DACH2: variants seen among roughly 807,000 people sequenced by gnomAD.
DACH2 encodes the protein dachshund homolog 2.
A neutral mutation model predicts 35.8 loss-of-function variants in DACH2; 17 were observed. The observed-to-expected ratio is 0.48, with a 90% CI of 0.33 to 0.71. The LOEUF (loss-of-function observed/expected upper bound fraction) is 0.71, where lower values mean the gene tolerates loss of function less well. Ranked by LOEUF, DACH2 falls within the 30% of genes least tolerant of loss-of-function variation. DACH2 has a pLI of 0.02. For synonymous variants in DACH2, 195 were observed against 177.3 expected (o/e 1.10, Z -0.79); for missense variants, 469 against 472.7 (o/e 0.99, Z 0.07).
At chrX:86,433,146 T>A (rs745381227) in intron 2 of DACH2, among the ~76,000 whole-genome samples, 1 of 111,983 alleles carries the variant, frequency 8.9e-6, no homozygotes, top group East Asian at 2.8e-4. Context: ...TTAAAAGTTT[T>A]TGGAACAATC....
At chrX:86,717,996 G>A (rs978659410) in intron 6 of DACH2, among the ~76,000 whole-genome samples, 4 of 109,365 alleles carry the variant, frequency 3.7e-5, no homozygotes, top group Non-Finnish European at 7.6e-5. Context: ...TTTTGATATA[G>A]TGAGTTATTT....
chrX:86,374,813 C>A (rs1011420426), intron 1 of DACH2, among the ~76,000 whole-genome samples: 1 of 110,055 alleles, frequency 9.1e-6, no homozygotes, highest in African/African-American at 3.3e-5. Flanking sequence ...TCCAGGGAAC[C>A]CAGCTGATTT....
At chrX:86,753,073 CACAT>C (rs1250125696) in intron 7 of DACH2, among the ~76,000 whole-genome samples, 629 of 47,178 alleles carry the variant, frequency 0.013, 3 homozygotes, top group African/African-American at 0.048. Context: ...CACACACACA[CACAT>C]ACACCCCGAC....
At chrX:86,337,611 C>A (rs1302344317) in intron 1 of DACH2, among the ~76,000 whole-genome samples, 1 of 112,136 alleles carries the variant, frequency 8.9e-6, no homozygotes, top group Non-Finnish European at 1.9e-5. Flanking sequence ...CAAAAACATA[C>A]CCAATTGTAA....
chrX:86,827,696 A>G (rs1230605040), intron 11 of DACH2: 11 of 947,240 alleles, frequency 1.2e-5, no homozygotes, highest in Admixed American at 2.6e-5. Context: ...AGTGAAGTGC[A>G]TTGAGTAGAT....
At chrX:86,506,374 T>C (rs1028301772) in intron 2 of DACH2, among the ~76,000 whole-genome samples, 1 of 111,589 alleles carries the variant, frequency 9.0e-6, no homozygotes, top group African/African-American at 3.3e-5. Context: ...ATGTTCTTTG[T>C]TTTTCTTTGC....
At chrX:86,451,922 A>T (rs1161727812) in intron 2 of DACH2, among the ~76,000 whole-genome samples, 1 of 111,293 alleles carries the variant, frequency 9.0e-6, no homozygotes, top group Non-Finnish European at 1.9e-5. Flanking sequence ...CTTGTCTTGT[A>T]CCGGTTGTAA....
At chrX:86,601,824 G>A (rs187714156) in intron 3 of DACH2, among the ~76,000 whole-genome samples, 212 of 112,140 alleles carry the variant, frequency 1.9e-3, no homozygotes, top group African/African-American at 5.3e-3. Context: ...AGCCATGTAC[G>A]TATTATTTGA....
chrX:86,253,006 C>G (rs1193813662), intron 1 of DACH2, among the ~76,000 whole-genome samples: 2 of 110,307 alleles, frequency 1.8e-5, no homozygotes, highest in Non-Finnish European at 3.8e-5. Flanking sequence ...TGATTATATG[C>G]ATAGAAAACT....
At chrX:86,704,552 A>G (rs1029350823) in intron 5 of DACH2, among the ~76,000 whole-genome samples, 10 of 111,960 alleles carry the variant, frequency 8.9e-5, no homozygotes, top group African/African-American at 3.2e-4. Context: ...TCTGCATCTA[A>G]CAAAGGACTA....
chrX:86,638,513 C>G (rs2040306260), intron 3 of DACH2, among the ~76,000 whole-genome samples: 1 of 111,161 alleles, frequency 9.0e-6, no homozygotes, highest in African/African-American at 3.3e-5. Context: ...CTGCATCCAA[C>G]AGGGGATTGA....
intron 3 of DACH2, among the ~76,000 whole-genome samples, chrX:86,518,710 G>A (rs1387791111): frequency 8.9e-6 from 1 of 111,853 alleles, no homozygotes; most frequent in African/African-American, 3.3e-5. Flanking sequence ...TGTTATTGGT[G>A]TATAGGAATG....
rs748327108 is a variant in DACH2, at chrX:86,407,350, A to C, written c.527+30488A>C. Reference sequence around the variant, plus strand: ...CCTACACTGTTACTTTTTTATGAGAAGATATAATACATGTAAATGACCTAT... The same window carrying C: ...CCTACACTGTTACTTTTTTATGAGACGATATAATACATGTAAATGACCTAT... On this transcript the variant is annotated intron_variant, in intron 2 of 11. Transcript: ENST00000373125. 6.2e-5 allele frequency among the ~76,000 whole-genome samples: 7 copies of C among 112,001 alleles called. No homozygotes were observed. In the South Asian group the frequency reaches 1.8e-3, roughly 29 times the overall value.
chrX:86,514,363 C>T lies in DACH2; in HGVS notation c.612C>T (p.Leu204=). The T allele has an allele frequency of 3.3e-6, 4 of 1,210,672 alleles. No homozygotes were observed. The highest frequency in any genetic ancestry group is 4.5e-6 in the Non-Finnish European group (4 of 895,058). Residue 204 remains leucine (L), a synonymous_variant, in exon 3 of 12, where the codon CTC becomes CTT. Transcript: ENST00000373125. ...TTCTGACCCATGCAGTCCCAGGCCTCTTATCGCCAGGACTTATCACTCCGA... is the reference window on the plus strand; with the variant it reads ...TTCTGACCCATGCAGTCCCAGGCCTTTTATCGCCAGGACTTATCACTCCGA... The part of the protein sequence containing the change: ...ARLLTHAVPG[L]LSPGLITPTG...
intron 7 of DACH2, among the ~76,000 whole-genome samples, chrX:86,755,593 A>ATT (rs35672351): frequency 0.03 from 2,298 of 77,602 alleles, 127 homozygotes; most frequent in African/African-American, 0.11. Context: ...TCTTGACCTA[A>ATT]TTTTTTTTTT....
Position 86,518,132 on chromosome X carries a change from T to C in DACH2, c.640+3741T>C, listed in dbSNP as rs1192319263. Among the ~76,000 whole-genome samples, 9 of 112,359 alleles carry C rather than the reference T, an allele frequency of 8.0e-5. No individual in the cohort carries two copies. In the East Asian group the frequency reaches 2.5e-3, roughly 32 times the overall value. ...GCATATGGCTAGCAAATTATCAAAGTGCCATTTATTGAATAAGAAAGTTTT... is the reference window on the plus strand; with the variant it reads ...GCATATGGCTAGCAAATTATCAAAGCGCCATTTATTGAATAAGAAAGTTTT... On this transcript the variant is annotated intron_variant, in intron 3 of 11. Transcript: ENST00000373125.
rs1292207210 is a variant in DACH2, at chrX:86,624,052, AAACAAAAC to A, written c.641-26981_641-26974del. 3.9e-3 allele frequency among the ~76,000 whole-genome samples: 232 copies of A among 59,603 alleles called. 16 individuals carry two copies. The highest frequency in any genetic ancestry group is 0.011 in the African/African-American group (155 of 14,304). 51.8% of individuals were successfully genotyped at this position (59,603 alleles called of 115,157 possible). On this transcript the variant is annotated intron_variant, in intron 3 of 11. Transcript: ENST00000373125. ...GACAGAGCGAAACTCCGTCTCAAAA[AAACAAAAC>A]AAAAAAAAAAAAAAAAAAAAAAGTG...
chrX:86,341,400 C>T (rs184307155), intron 1 of DACH2, among the ~76,000 whole-genome samples: 15 of 111,658 alleles, frequency 1.3e-4, no homozygotes, highest in East Asian at 5.7e-4. Context: ...GTTTACAGCA[C>T]GGCTTAATAA....
chrX:86,714,441 A>G (rs2041312679), intron 5 of DACH2, 107 bp from the exon 6 acceptor site: 2 of 628,114 alleles, frequency 3.2e-6, no homozygotes, highest in East Asian at 7.3e-5. Context: ...CTAAGATATA[A>G]TAAAAATTGT....
Sources: allele counts gnomAD v4.1 joint callset (sites outside exome capture counted in the v4.1 genomes callset), GRCh38; gene constraint gnomAD v4.1.1; transcripts MANE v1.5; gene names NCBI Gene and HGNC (gene_info 2026-07-23, HGNC 2026-07-21).